ARHGAP31: variants seen among roughly 807,000 people sequenced by gnomAD.
ARHGAP31 encodes rho GTPase-activating protein 31.
ARHGAP31 carries 34 observed loss-of-function variants against 113.9 expected under a neutral mutation model. That is an observed-to-expected ratio of 0.30 (90% CI 0.23 to 0.40). The LOEUF (loss-of-function observed/expected upper bound fraction) is 0.40. ARHGAP31 is among the 10% of genes least tolerant of loss of function. The pLI is 1.00. For missense variants in ARHGAP31, 1,548 were observed against 1,767.1 expected (o/e 0.88, Z 2.22); for synonymous variants, 650 against 684.8 (o/e 0.95, Z 0.79).
At position 119,415,756 on chromosome 3, in the gene ARHGAP31, A is replaced by G; in HGVS notation, c.3827A>G (p.Asp1276Gly). ...GGAGCCATTAAGTCCTCACCAGTGG[A>G]TGCCACTGCACCCTGCATGTGCGAG... ...DPGAIKSSPV[D>G]ATAPCMCEGP... The change falls in exon 12 of 12, where the codon GAT (aspartate) becomes GGT (glycine). Residue 1276 changes from aspartate to glycine, a missense_variant. Transcript: ENST00000264245. The G allele has an allele frequency of 6.2e-7, 1 of 1,614,204 alleles. No individual in the cohort carries two copies. Among genetic ancestry groups the G allele is most frequent in the Non-Finnish European group, 8.5e-7 (1 of 1,180,036 alleles).
chr3:119,296,178 ACT>A (rs1439707347), intron 1 of ARHGAP31, among the ~76,000 whole-genome samples: 1 of 152,208 alleles, frequency 6.6e-6, no homozygotes, highest in Non-Finnish European at 1.5e-5. Flanking sequence ...GTTTTGGGAG[ACT>A]CAGCACCACC....
At chr3:119,311,473 C>G (rs1174185797) in intron 1 of ARHGAP31, among the ~76,000 whole-genome samples, 1 of 152,194 alleles carries the variant, frequency 6.6e-6, no homozygotes, top group African/African-American at 2.4e-5. Context: ...ATCTCAAGAT[C>G]TTTAATTTGA....
intron 10 of ARHGAP31, among the ~76,000 whole-genome samples, chr3:119,403,439 A>G (rs1352490832): frequency 6.6e-6 from 1 of 152,152 alleles, no homozygotes; most frequent in Non-Finnish European, 1.5e-5. Context: ...TGTGTTCACT[A>G]TGGGCTGTGG....
At chr3:119,309,717 G>T (rs1207544488) in intron 1 of ARHGAP31, among the ~76,000 whole-genome samples, 1 of 152,046 alleles carries the variant, frequency 6.6e-6, no homozygotes, top group African/African-American at 2.4e-5. Flanking sequence ...CTGTGATCAT[G>T]CCACTGCATT....
intron 11 of ARHGAP31, among the ~76,000 whole-genome samples, chr3:119,412,455 C>T (rs2080724739): frequency 6.6e-6 from 1 of 151,790 alleles, no homozygotes; most frequent in African/African-American, 2.4e-5. Context: ...GAGCAGGCCT[C>T]CTTCCATCCT....
intron 1 of ARHGAP31, among the ~76,000 whole-genome samples, chr3:119,325,690 C>G (rs1452960088): frequency 6.6e-6 from 1 of 152,140 alleles, no homozygotes. Context: ...AATGACTTAG[C>G]CTGAAGGCAG....
intron 3 of ARHGAP31, among the ~76,000 whole-genome samples, chr3:119,370,103 TA>T (rs1192097539): frequency 6.6e-6 from 1 of 152,146 alleles, no homozygotes; most frequent in Non-Finnish European, 1.5e-5. Context: ...AGGCAGAAGG[TA>T]AAGAAGCCTC....
Position 119,414,133 on chromosome 3 carries a change from G to A in ARHGAP31, c.2204G>A (p.Ser735Asn). The change falls in exon 12 of 12, where the codon AGC becomes AAC. Residue 735 changes from serine (S) to asparagine (N), a missense_variant. Physicochemically the swap from Ser to Asn is conservative, Grantham distance 46 (BLOSUM62 1). Coordinates refer to ENST00000264245, the MANE Select transcript of ARHGAP31 (RefSeq NM_020754.4). ...QSTQGASTAA[S>N]REKPEPEQGL... Reference sequence around the variant, plus strand: ...ACACAGGGGGCTTCCACAGCAGCCAGCAGAGAGAAGCCGGAACCTGAGCAG... The same window carrying A: ...ACACAGGGGGCTTCCACAGCAGCCAACAGAGAGAAGCCGGAACCTGAGCAG... 1 of 1,614,200 alleles carries A rather than the reference G, an allele frequency of 6.2e-7. No individual in the cohort carries two copies. The highest frequency in any genetic ancestry group is 2.2e-5 in the East Asian group (1 of 44,882).
At chr3:119,404,689 T>A (rs1315781406) in intron 10 of ARHGAP31, among the ~76,000 whole-genome samples, 1 of 152,254 alleles carries the variant, frequency 6.6e-6, no homozygotes, top group East Asian at 1.9e-4. Context: ...CTCCCACTTT[T>A]GGCCAATCTA....
Position 119,305,446 on chromosome 3 carries a change from TG to T in ARHGAP31, c.100+10445del, listed in dbSNP as rs1325240901. ...TCTTTCCCATCTGTTTCCTGCATGC[TG>T]GGTATTATTGGGAAACAATGATGTC... On this transcript the variant is annotated intron_variant, in intron 1 of 11. Transcript: ENST00000264245. Among the ~76,000 whole-genome samples the T allele has an allele frequency of 2.0e-5, 3 of 152,310 alleles. No individual in the cohort carries two copies. In the East Asian group the frequency reaches 5.8e-4, roughly 29 times the overall value.
At chr3:119,309,371 A>G (rs2079658215) in intron 1 of ARHGAP31, among the ~76,000 whole-genome samples, 1 of 152,206 alleles carries the variant, frequency 6.6e-6, no homozygotes, top group African/African-American at 2.4e-5. Flanking sequence ...TGCTGGAATC[A>G]TGGCTCCCAT....
At chr3:119,353,263 T>A (rs530942739) in intron 1 of ARHGAP31, among the ~76,000 whole-genome samples, 1 of 152,252 alleles carries the variant, frequency 6.6e-6, no homozygotes, top group Non-Finnish European at 1.5e-5. Context: ...ACGCACACAA[T>A]TTCCTGTTCT....
At chr3:119,375,078 A>G (rs1314686167) in intron 3 of ARHGAP31, among the ~76,000 whole-genome samples, 2 of 151,802 alleles carry the variant, frequency 1.3e-5, no homozygotes, top group African/African-American at 4.8e-5. Flanking sequence ...GGGTGATGTG[A>G]TAATAGGGGA....
At chr3:119,310,948 G>C (rs2079674757) in intron 1 of ARHGAP31, among the ~76,000 whole-genome samples, 1 of 152,174 alleles carries the variant, frequency 6.6e-6, no homozygotes, top group Non-Finnish European at 1.5e-5. Context: ...AGCTTTGAAG[G>C]ATAGACATGC....
In ARHGAP31 at chr3:119,409,542, T is replaced by G; in HGVS notation, c.1692T>G (p.Pro564=). The G allele has an allele frequency of 1.2e-6, 2 of 1,614,082 alleles. 1 individual carries two copies. The highest frequency in any genetic ancestry group is 3.3e-5 in the Admixed American group (2 of 60,004). ...KAGLEDAKAV[P]EAPGTVECSK... is the part of the protein sequence containing the mutation. ...GTCTTGAGGATGCCAAGGCAGTACC[T>G]GAAGCACCGGGGACAGTGGAATGCA... Residue 564 remains proline, a synonymous_variant, in exon 11 of 12, where the codon CCT becomes CCG. Coordinates refer to ENST00000264245, the MANE Select transcript of ARHGAP31 (RefSeq NM_020754.4).
intron 1 of ARHGAP31, among the ~76,000 whole-genome samples, chr3:119,315,180 T>G (rs1374536595): frequency 6.6e-6 from 1 of 152,264 alleles, no homozygotes; most frequent in East Asian, 1.9e-4. Context: ...GTTACCGTGT[T>G]GTCTGAATTG....
Position 119,346,163 on chromosome 3 carries a change from C to T in ARHGAP31, c.101-19153C>T, listed in dbSNP as rs568986666. ...CACCAGGGGCCCTAGCCTGAGGCTA[C>T]CCACTCCCAGCAGCTCTGACTGCAC... On this transcript the variant is annotated intron_variant, in intron 1 of 11. Coordinates refer to ENST00000264245, the MANE Select transcript of ARHGAP31 (RefSeq NM_020754.4). 4.6e-5 allele frequency among the ~76,000 whole-genome samples: 7 copies of T among 152,338 alleles called. No individual in the cohort carries two copies. The South Asian group carries it at 1.4e-3, about 32-fold the overall frequency.
intron 1 of ARHGAP31, among the ~76,000 whole-genome samples, chr3:119,337,369 T>C (rs2079964547): frequency 2.0e-5 from 3 of 152,194 alleles, no homozygotes. Flanking sequence ...CTTCATGCTC[T>C]CGCTGACTTC....
intron 10 of ARHGAP31, among the ~76,000 whole-genome samples, chr3:119,408,210 C>T (rs1005478471): frequency 4.6e-5 from 7 of 152,140 alleles, no homozygotes; most frequent in African/African-American, 1.4e-4. Context: ...TGGAACCAGT[C>T]GCCCCATGGA....
Sources: allele counts gnomAD v4.1 joint callset (sites outside exome capture counted in the v4.1 genomes callset), GRCh38; gene constraint gnomAD v4.1.1; transcripts MANE v1.5; gene names NCBI Gene and HGNC (gene_info 2026-07-23, HGNC 2026-07-21).